Variants in GABRB1 observed in about 807,000 individuals in gnomAD.
The protein encoded by GABRB1 is gamma-aminobutyric acid type A receptor subunit beta1.
GABRB1 carries 17 observed loss-of-function variants against 51.6 expected under a neutral mutation model. That is an observed-to-expected ratio of 0.33 (90% CI 0.23 to 0.49). The LOEUF is 0.49. Among genes scored for constraint, GABRB1 ranks in the 20% least tolerant of loss-of-function variants. The pLI, the probability that GABRB1 is intolerant of heterozygous loss-of-function variation, is 0.99. For missense variants in GABRB1, 410 were observed against 600.6 expected (o/e 0.68, Z 3.32); for synonymous variants, 247 against 218.9 (o/e 1.13, Z -1.14).
At chr4:47,114,127 T>A (rs1715361183) in intron 3 of GABRB1, among the ~76,000 whole-genome samples, 5 of 152,190 alleles carry the variant, frequency 3.3e-5, no homozygotes, top group Admixed American at 3.3e-4. Context: ...GAATCATGCG[T>A]TATTCCCGAC....
chr4:47,246,353 TATATATATA>T (rs1721753965), intron 4 of GABRB1, among the ~76,000 whole-genome samples: 1 of 19,756 alleles, frequency 5.1e-5, no homozygotes, highest in Admixed American at 4.0e-4. Flanking sequence ...TATATATATA[TATATATATA>T]TATATATATA....
chr4:47,352,755 GT>G (rs1560347324), intron 5 of GABRB1, among the ~76,000 whole-genome samples: 1 of 151,980 alleles, frequency 6.6e-6, no homozygotes, highest in African/African-American at 2.4e-5. Context: ...CATTATTTTG[GT>G]TTGCACATTT....
At chr4:47,331,833 A>G (rs992920566) in intron 5 of GABRB1, among the ~76,000 whole-genome samples, 1 of 152,204 alleles carries the variant, frequency 6.6e-6, no homozygotes, top group South Asian at 2.1e-4. Flanking sequence ...TCGAACCATC[A>G]AGGTAGTAAC....
chr4:47,350,673 T>C (rs1229897071), intron 5 of GABRB1, among the ~76,000 whole-genome samples: 1 of 152,162 alleles, frequency 6.6e-6, no homozygotes, highest in Non-Finnish European at 1.5e-5. Flanking sequence ...TGTGACTGTA[T>C]TGCAAGCTAT....
At chr4:47,102,336 C>T (rs1172285819) in intron 3 of GABRB1, among the ~76,000 whole-genome samples, 2 of 151,970 alleles carry the variant, frequency 1.3e-5, no homozygotes, top group Non-Finnish European at 2.9e-5. Context: ...TACACTCTTT[C>T]AAGAGGCATG....
At chr4:47,056,872 C>A (rs1383352852) in intron 3 of GABRB1, among the ~76,000 whole-genome samples, 1 of 152,160 alleles carries the variant, frequency 6.6e-6, no homozygotes, top group Admixed American at 6.5e-5. Flanking sequence ...CTTTGGGAGG[C>A]CAAGGCAGGC....
intron 4 of GABRB1, among the ~76,000 whole-genome samples, chr4:47,318,654 G>A (rs1253900829): frequency 6.6e-6 from 1 of 151,962 alleles, no homozygotes; most frequent in African/African-American, 2.4e-5. Context: ...TCAAACTCAA[G>A]GACCCTAACT....
At chr4:47,337,809 A>T (rs1023525085) in intron 5 of GABRB1, among the ~76,000 whole-genome samples, 3 of 29,410 alleles carry the variant, frequency 1.0e-4, no homozygotes, top group Admixed American at 4.6e-4. Context: ...GACTCTGTCT[A>T]AAAAAAAAAA....
chr4:47,073,169 T>A (rs75110242), intron 3 of GABRB1, among the ~76,000 whole-genome samples: 1 of 152,278 alleles, frequency 6.6e-6, no homozygotes, highest in Non-Finnish European at 1.5e-5. Flanking sequence ...TTGAAAATTG[T>A]GGAGGCATAA....
chr4:47,175,426 A>G (rs1449309867), intron 4 of GABRB1, among the ~76,000 whole-genome samples: 5 of 152,112 alleles, frequency 3.3e-5, no homozygotes, highest in Non-Finnish European at 7.4e-5. Context: ...TAGTTAGCAC[A>G]TATTAAGCAA....
intron 4 of GABRB1, among the ~76,000 whole-genome samples, chr4:47,300,219 A>G (rs1185821188): frequency 3.3e-5 from 5 of 152,160 alleles, no homozygotes; most frequent in African/African-American, 1.2e-4. Flanking sequence ...GTGCACATGT[A>G]TCCTAAGACC....
chr4:47,174,909 TTTCCTTCC>T (rs142550363), intron 4 of GABRB1, among the ~76,000 whole-genome samples: 2 of 134,174 alleles, frequency 1.5e-5, no homozygotes, highest in Non-Finnish European at 3.2e-5. Context: ...TCCTTCCTTC[TTTCCTTCC>T]TTCCTTCCTT....
At chr4:47,376,319 G>T (rs538762791) in intron 5 of GABRB1, among the ~76,000 whole-genome samples, 1 of 152,270 alleles carries the variant, frequency 6.6e-6, no homozygotes, top group South Asian at 2.1e-4. Flanking sequence ...GTGAGATAAA[G>T]GCCAAAAAGG....
At chr4:47,334,028 A>G (rs1163358999) in intron 5 of GABRB1, among the ~76,000 whole-genome samples, 1 of 152,166 alleles carries the variant, frequency 6.6e-6, no homozygotes, top group Non-Finnish European at 1.5e-5. Context: ...CTTAGACACT[A>G]TCAGAGCAGA....
At chr4:47,016,455 TTTA>T (rs1218297928) in intron 1 of GABRB1, among the ~76,000 whole-genome samples, 4 of 152,182 alleles carry the variant, frequency 2.6e-5, no homozygotes, top group African/African-American at 9.7e-5. Flanking sequence ...ATAGTGACAC[TTTA>T]GTGAATCATA....
At chr4:47,090,874 G>T (rs1331867276) in intron 3 of GABRB1, among the ~76,000 whole-genome samples, 1 of 152,082 alleles carries the variant, frequency 6.6e-6, no homozygotes, top group Admixed American at 6.5e-5. Flanking sequence ...CTTCTTTCAT[G>T]AGCCACCTCA....
chr4:47,373,565 C>T (rs1727282803), intron 5 of GABRB1, among the ~76,000 whole-genome samples: 1 of 152,192 alleles, frequency 6.6e-6, no homozygotes, highest in South Asian at 2.1e-4. Context: ...AGCTCTGCTT[C>T]TTAATGTGTT....
intron 5 of GABRB1, among the ~76,000 whole-genome samples, chr4:47,387,029 A>G (rs1727820847): frequency 6.6e-6 from 1 of 152,240 alleles, no homozygotes. Flanking sequence ...TCCTACAGGA[A>G]TATTACCAGG....
intron 8 of GABRB1, among the ~76,000 whole-genome samples, chr4:47,422,315 C>A (rs946388910): frequency 1.3e-5 from 2 of 152,166 alleles, no homozygotes; most frequent in African/African-American, 4.8e-5. Flanking sequence ...TCACTTGACA[C>A]CCTATCCCGA....
Sources: allele counts gnomAD v4.1 joint callset (sites outside exome capture counted in the v4.1 genomes callset), GRCh38; gene constraint gnomAD v4.1.1; transcripts MANE v1.5; gene names NCBI Gene and HGNC (gene_info 2026-07-23, HGNC 2026-07-21).